CADM2: variants seen among roughly 807,000 people sequenced by gnomAD.
CADM2 encodes the protein immunoglobulin superfamily member 4D.
Under a neutral mutation model 49.8 loss-of-function variants are expected in CADM2, and 12 were observed. That is an observed-to-expected ratio of 0.24 (90% CI 0.15 to 0.39). CADM2 has a LOEUF of 0.39. Ranked by LOEUF, CADM2 falls within the 10% of genes least tolerant of loss-of-function variation. The probability of loss-of-function intolerance (pLI) is 1.00; values close to 1 mark genes in which losing one functional copy is unlikely to be tolerated. For synonymous variants in CADM2, 214 were observed against 175.4 expected (o/e 1.22, Z -1.74); for missense variants, 378 against 492.3 (o/e 0.77, Z 2.20).
intron 3 of CADM2, among the ~76,000 whole-genome samples, chr3:85,834,296 C>A (rs2074311383): frequency 6.6e-6 from 1 of 151,536 alleles, no homozygotes; most frequent in Non-Finnish European, 1.5e-5. Flanking sequence ...CTCGAAAATG[C>A]AAGCCAAACA....
At chr3:85,674,059 A>G (rs950730936) in intron 1 of CADM2, among the ~76,000 whole-genome samples, 5 of 152,094 alleles carry the variant, frequency 3.3e-5, no homozygotes, top group African/African-American at 1.2e-4. Flanking sequence ...AAATATGAAC[A>G]CTGGGTTAAG....
intron 1 of CADM2, among the ~76,000 whole-genome samples, chr3:85,268,684 A>G (rs930754824): frequency 1.3e-5 from 2 of 151,432 alleles, no homozygotes; most frequent in African/African-American, 4.8e-5. Context: ...TGAATGCCAT[A>G]TTACTAATGA....
Position 85,682,858 on chromosome 3 carries a change from T to G in CADM2, c.62-43664T>G, listed in dbSNP as rs576083228. Among the ~76,000 whole-genome samples, 7 of 152,218 alleles carry G rather than the reference T, an allele frequency of 4.6e-5. No individual in the cohort carries two copies. In the East Asian group the frequency reaches 1.4e-3, roughly 29 times the overall value. ...TATATAATGAGTCTTCTGTTATTTA[T>G]TTATTTTTGTAATTTTCACAATCAG... On this transcript the variant is annotated intron_variant, in intron 1 of 9. Coordinates refer to ENST00000383699, the MANE Select transcript of CADM2 (RefSeq NM_001167675.2).
At chr3:85,631,997 A>G (rs59562320) in intron 1 of CADM2, among the ~76,000 whole-genome samples, 6,450 of 152,038 alleles carry the variant, frequency 0.042, 449 homozygotes, top group African/African-American at 0.15. Context: ...TTATTTTGCT[A>G]TGCTTTGCTT....
chr3:85,835,002 G>T (rs1008075481), intron 3 of CADM2, among the ~76,000 whole-genome samples: 1 of 151,606 alleles, frequency 6.6e-6, no homozygotes, highest in Non-Finnish European at 1.5e-5. Flanking sequence ...GCTTGCACAC[G>T]CATGTGTGTG....
At chr3:85,019,361 T>C (rs1238159478) in intron 1 of CADM2, among the ~76,000 whole-genome samples, 4 of 152,130 alleles carry the variant, frequency 2.6e-5, no homozygotes, top group Non-Finnish European at 5.9e-5. Context: ...TGCATGCCTG[T>C]TGTCCCAGCA....
At chr3:85,347,570 A>AAT (rs1225803468) in intron 1 of CADM2, among the ~76,000 whole-genome samples, 1 of 135,818 alleles carries the variant, frequency 7.4e-6, no homozygotes, top group African/African-American at 2.9e-5. Context: ...CATATATATA[A>AAT]ATATATATAC....
At chr3:85,227,522 T>TG (rs1443745631) in intron 1 of CADM2, among the ~76,000 whole-genome samples, 1 of 151,436 alleles carries the variant, frequency 6.6e-6, no homozygotes, top group Non-Finnish European at 1.5e-5. Flanking sequence ...TTTGAGCCTA[T>TG]GTATGTCTTT....
chr3:85,928,063 T>G (rs909169935), intron 6 of CADM2, among the ~76,000 whole-genome samples: 2 of 152,160 alleles, frequency 1.3e-5, no homozygotes, highest in Non-Finnish European at 2.9e-5. Flanking sequence ...ATCAATATCT[T>G]TACTTTGATT....
chr3:85,290,321 C>A (rs1225642940), intron 1 of CADM2, among the ~76,000 whole-genome samples: 1 of 152,124 alleles, frequency 6.6e-6, no homozygotes, highest in Non-Finnish European at 1.5e-5. Context: ...GCTAGCACAG[C>A]AGTCTGAGAT....
intron 1 of CADM2, among the ~76,000 whole-genome samples, chr3:85,611,776 T>C (rs771119510): frequency 9.9e-5 from 15 of 151,358 alleles, no homozygotes; most frequent in Non-Finnish European, 1.9e-4. Context: ...ATTTGGAACA[T>C]TGAAATGGGA....
intron 1 of CADM2, among the ~76,000 whole-genome samples, chr3:85,129,183 A>G (rs2039144415): frequency 6.6e-6 from 1 of 152,166 alleles, no homozygotes; most frequent in African/African-American, 2.4e-5. Flanking sequence ...TCAACAGTGC[A>G]TCTGGGAAAT....
chr3:85,515,581 C>T (rs551808965), intron 1 of CADM2, among the ~76,000 whole-genome samples: 35 of 142,948 alleles, frequency 2.4e-4, no homozygotes, highest in African/African-American at 9.7e-4. Flanking sequence ...TGCCACCACG[C>T]CCTACAGGAG....
At chr3:85,394,855 C>G (rs1408896475) in intron 1 of CADM2, among the ~76,000 whole-genome samples, 1 of 151,832 alleles carries the variant, frequency 6.6e-6, no homozygotes, top group Non-Finnish European at 1.5e-5. Context: ...TTAGTGCATC[C>G]AAAATGTAGA....
chr3:85,393,952 G>A (rs186362927), intron 1 of CADM2, among the ~76,000 whole-genome samples: 49 of 152,000 alleles, frequency 3.2e-4, no homozygotes, highest in Admixed American at 6.6e-4. Flanking sequence ...GACTACAGGC[G>A]CCCGTCACCA....
chr3:85,284,759 C>A (rs1329518414), intron 1 of CADM2, among the ~76,000 whole-genome samples: 1 of 151,966 alleles, frequency 6.6e-6, no homozygotes, highest in Non-Finnish European at 1.5e-5. Context: ...CAGATCATCA[C>A]AGGTTTTGTA....
chr3:85,433,963 T>A (rs921194769), intron 1 of CADM2, among the ~76,000 whole-genome samples: 4 of 151,768 alleles, frequency 2.6e-5, no homozygotes, highest in African/African-American at 9.7e-5. Flanking sequence ...TCCCTTAGAC[T>A]TTTTTTGTAT....
intron 7 of CADM2, among the ~76,000 whole-genome samples, chr3:85,960,984 TA>T (rs1303702252): frequency 2.0e-5 from 3 of 147,382 alleles, no homozygotes; most frequent in African/African-American, 7.4e-5. Flanking sequence ...TTATTTATTA[TA>T]ATAAGTATTA....
chr3:85,782,219 T>G (rs1216447099), intron 2 of CADM2, among the ~76,000 whole-genome samples: 1 of 152,192 alleles, frequency 6.6e-6, no homozygotes, highest in Non-Finnish European at 1.5e-5. Context: ...GGTTTACTCA[T>G]AGGAGGTGTT....
Sources: gnomAD v4.1 joint callset for allele counts (sites outside exome capture counted in the v4.1 genomes callset) on GRCh38, gnomAD v4.1.1 for gene constraint, MANE v1.5 for transcripts, NCBI Gene and HGNC (gene_info 2026-07-23, HGNC 2026-07-21) for gene names.